Variants in MARCKS observed in about 807,000 individuals in gnomAD.
The protein encoded by MARCKS is myristoylated alanine rich protein kinase C substrate, also known as myristoylated alanine-rich C-kinase substrate.
Under a neutral mutation model 6.3 loss-of-function variants are expected in MARCKS, and 4 were observed. That is an observed-to-expected ratio of 0.63 (90% confidence interval 0.31 to 1.45). The LOEUF (loss-of-function observed/expected upper bound fraction) is 1.45, where lower values mean the gene tolerates loss of function less well. Among genes scored for constraint, MARCKS ranks in the 40% most tolerant of loss-of-function variants. MARCKS has a pLI of 0.07. For synonymous variants in MARCKS, 289 were observed against 236.5 expected (o/e 1.22, Z -2.04); for missense variants, 636 against 485.7 (o/e 1.31, Z -2.91).
rs1774904685 is a variant in MARCKS, at chr6:113,861,815, G to GT, written c.*1243dup. 6.6e-6 allele frequency: 1 copy of GT among 152,504 alleles called. No individual in the cohort carries two copies. Among genetic ancestry groups the GT allele is most frequent in the South Asian group, 2.1e-4 (1 of 4,836 alleles). 9.4% of individuals were successfully genotyped at this position (152,504 alleles called of 1,614,324 possible). On this transcript the variant is annotated 3_prime_UTR_variant, in exon 2 of 2. Transcript: ENST00000612661. Reference sequence around the variant, plus strand: ...TGAATAAAATGTACAAATTTGTTGTGTTTTTTTATGTTCTAATAATACTGA... The same window carrying GT: ...TGAATAAAATGTACAAATTTGTTGTGTTTTTTTTATGTTCTAATAATACTGA...
At chr6:113,859,373 G>A (rs1020013197) in intron 1 of MARCKS, among the ~76,000 whole-genome samples, 2 of 152,222 alleles carry the variant, frequency 1.3e-5, no homozygotes, top group African/African-American at 4.8e-5. Flanking sequence ...GGCTGGCATG[G>A]TTAGCCTTTG....
rs1774869115 is a variant in MARCKS at position 113,860,217 on chromosome 6, G to A, written c.637G>A (p.Glu213Lys). The change falls in exon 2 of 2, where the codon GAG becomes AAG. Residue 213 changes from glutamate to lysine, a missense_variant. Transcript: ENST00000612661. ...AAAEAGAASG[E>K]QAAAPGEEAA... ...CGCCGAGGCGGGCGCGGCCTCCGGG[G>A]AGCAGGCAGCGGCGCCGGGCGAGGA... The A allele has an allele frequency of 3.6e-6, 4 of 1,096,962 alleles. No individual in the cohort carries two copies. The African/African-American group carries it at 5.1e-5, about 14-fold the overall frequency. The allele number at this position is 1,096,962 out of a possible 1,614,324, so 68.0% of individuals were successfully genotyped here.
At position 113,859,874 on chromosome 6, in the gene MARCKS, C is replaced by T. The variant is rs1774857246; in HGVS notation, c.294C>T (p.Ala98=). 1 of 1,376,212 alleles carries T rather than the reference C, an allele frequency of 7.3e-7. No individual in the cohort carries two copies. The allele number at this position is 1,376,212 out of a possible 1,614,324, so 85.3% of individuals were successfully genotyped here. Residue 98 remains alanine (A), a synonymous_variant, in exon 2 of 2, where the codon GCC becomes GCT. Transcript: ENST00000612661. Reference sequence around the variant, plus strand: ...CGGCCGCCGCCGCTGCCCCCGAGGCCGGGGCCAGCCCGGTAGAGAAGGAGG... The same window carrying T: ...CGGCCGCCGCCGCTGCCCCCGAGGCTGGGGCCAGCCCGGTAGAGAAGGAGG... ...GEPAAAAAPE[A]GASPVEKEAP... is the part of the protein sequence containing the mutation.
In MARCKS at chr6:113,857,838, G is replaced by C. The variant is rs891138199; in HGVS notation, c.93G>C (p.Ala31=). ...EAAVASSPSK[A]NGQENGHVKV... is the part of the protein sequence containing the mutation. Reference sequence around the variant, plus strand: ...CTGTGGCCTCGTCGCCTTCCAAAGCGAACGGACAGGTAAATTCTACCTGTG... The same window carrying C: ...CTGTGGCCTCGTCGCCTTCCAAAGCCAACGGACAGGTAAATTCTACCTGTG... Residue 31 remains alanine (A), a synonymous_variant, in exon 1 of 2, where the codon GCG becomes GCC. Coordinates refer to ENST00000612661, the MANE Select transcript of MARCKS (RefSeq NM_002356.7). 1.9e-5 allele frequency: 30 copies of C among 1,599,390 alleles called. No individual in the cohort carries two copies. Among genetic ancestry groups the C allele is most frequent in the Non-Finnish European group, 2.6e-5 (30 of 1,173,272 alleles).
rs775883251 is a variant in MARCKS at position 113,857,734 on chromosome 6, G to GA, written c.-10dup. The GA allele has an allele frequency of 7.1e-5, 113 of 1,593,758 alleles. 1 individual carries two copies. The African/African-American group carries it at 1.4e-3, about 20-fold the overall frequency. Reference sequence around the variant, plus strand: ...CTTGGATCTGTTGAGTTTCTTTGTTGAAGAAGCCAGCATGGGTGCCCAGTT... The same window carrying GA: ...CTTGGATCTGTTGAGTTTCTTTGTTGAAAGAAGCCAGCATGGGTGCCCAGTT... On this transcript the variant is annotated 5_prime_UTR_variant, in exon 1 of 2. Transcript: ENST00000612661.
Position 113,860,946 on chromosome 6 carries a change from C to T in MARCKS, c.*367C>T, listed in dbSNP as rs1582441212. The T allele has an allele frequency of 6.5e-6, 1 of 152,998 alleles. No individual in the cohort carries two copies. Among genetic ancestry groups the T allele is most frequent in the South Asian group, 2.0e-4 (1 of 4,908 alleles). 9.5% of individuals were successfully genotyped at this position (152,998 alleles called of 1,614,324 possible). ...TTTCTTTGTCAATCTATGGACATGC[C>T]CATATATGAAGGAGATGGGTGGGTC... On this transcript the variant is annotated 3_prime_UTR_variant, in exon 2 of 2. Coordinates refer to ENST00000612661, the MANE Select transcript of MARCKS (RefSeq NM_002356.7).
In MARCKS at chr6:113,862,257, T is replaced by G. The variant is rs1774911217; in HGVS notation, c.*1678T>G. 6.6e-6 allele frequency: 1 copy of G among 152,052 alleles called. No individual in the cohort carries two copies. Among genetic ancestry groups the G allele is most frequent in the African/African-American group, 2.4e-5 (1 of 41,426 alleles). 9.4% of individuals were successfully genotyped at this position (152,052 alleles called of 1,614,324 possible). On this transcript the variant is annotated 3_prime_UTR_variant, in exon 2 of 2. Transcript: ENST00000612661. ...ATGTGACCAAATGTGTTTCAAAAAT[T>G]GATGGTGTATTACCTGCTATTGTAA...
intron 1 of MARCKS, 100 bp from the exon 2 acceptor site, chr6:113,859,583 G>A: frequency 9.2e-7 from 1 of 1,082,626 alleles, no homozygotes; most frequent in Non-Finnish European, 1.2e-6. Flanking sequence ...TGGCCACAGG[G>A]GCCTTAGGGG....
In MARCKS at chr6:113,861,387, A is replaced by G. The variant is rs1161327383; in HGVS notation, c.*808A>G. 6.6e-6 allele frequency: 1 copy of G among 152,640 alleles called. No individual in the cohort carries two copies. Among genetic ancestry groups the G allele is most frequent in the Non-Finnish European group, 1.5e-5 (1 of 68,016 alleles). The allele number at this position is 152,640 out of a possible 1,614,324, so 9.5% of individuals were successfully genotyped here. ...CAGCAGGGTGTTTTTAACTGTGACTATTGTATAAAAACAAATCTTGATATC... is the reference window on the plus strand; with the variant it reads ...CAGCAGGGTGTTTTTAACTGTGACTGTTGTATAAAAACAAATCTTGATATC... On this transcript the variant is annotated 3_prime_UTR_variant, in exon 2 of 2. Transcript: ENST00000612661.
Position 113,859,948 on chromosome 6 carries a change from A to C in MARCKS, c.368A>C (p.Glu123Ala), listed in dbSNP as rs777809788. The C allele has an allele frequency of 2.0e-6, 3 of 1,498,068 alleles. No individual in the cohort carries two copies. The highest frequency in any genetic ancestry group is 2.7e-6 in the Non-Finnish European group (3 of 1,129,586). The allele number at this position is 1,498,068 out of a possible 1,614,324, so 92.8% of individuals were successfully genotyped here. ...GAGCCCGGCTCGCCCACGGCCGCGG[A>C]GGGAGAGGCCGCGTCGGCCGCCTCC... ...AAEPGSPTAA[E>A]GEAASAASST... The change falls in exon 2 of 2, where the codon GAG becomes GCG. Residue 123 changes from glutamate to alanine, a missense_variant. Physicochemically the swap from Glu to Ala is moderately radical, Grantham distance 107. Coordinates refer to ENST00000612661, the MANE Select transcript of MARCKS (RefSeq NM_002356.7).
chr6:113,859,651 T>G (rs1299458142), intron 1 of MARCKS, 32 bp from the exon 2 acceptor site: 1 of 1,456,916 alleles, frequency 6.9e-7, no homozygotes, highest in Non-Finnish European at 9.1e-7. Context: ...CCCGGCCGCT[T>G]CAGTGACGCT....
chr6:113,860,411 C>G lies in MARCKS; in HGVS notation c.831C>G (p.Ala277=), dbSNP rs1774877263. The part of the protein sequence containing the change: ...KKAEEAGASA[A]ACEAPSAAGP... ...CCGAGGAGGCCGGGGCCAGCGCCGC[C>G]GCCTGCGAGGCCCCCTCCGCCGCCG... Residue 277 remains alanine (A), a synonymous_variant, in exon 2 of 2, where the codon GCC becomes GCG. Transcript: ENST00000612661. The G allele has an allele frequency of 1.7e-6, 2 of 1,158,196 alleles. No individual in the cohort carries two copies. The highest frequency in any genetic ancestry group is 2.2e-6 in the Non-Finnish European group (2 of 927,848). 71.7% of individuals were successfully genotyped at this position (1,158,196 alleles called of 1,614,324 possible). A position where few individuals can be genotyped will look rare whatever the true frequency, so the allele number is the denominator to read the frequency against.
In MARCKS at chr6:113,857,852, A is replaced by T; in HGVS notation, c.102+5A>T. 6.3e-7 allele frequency: 1 copy of T among 1,589,882 alleles called. No homozygotes were observed. Among genetic ancestry groups the T allele is most frequent in the African/African-American group, 1.3e-5 (1 of 74,408 alleles). On this transcript the variant is annotated splice_donor_5th_base_variant and intron_variant, in intron 1 of 1. Coordinates refer to ENST00000612661, the MANE Select transcript of MARCKS (RefSeq NM_002356.7). ...CCTTCCAAAGCGAACGGACAGGTAA[A>T]TTCTACCTGTGGTTGTGGTCATTTA...
At position 113,859,827 on chromosome 6, in the gene MARCKS, T is replaced by C. The variant is rs2114521215; in HGVS notation, c.247T>C (p.Ser83Pro). The change falls in exon 2 of 2, where the codon TCC becomes CCC. Residue 83 changes from serine (S) to proline (P), a missense_variant. Coordinates refer to ENST00000612661, the MANE Select transcript of MARCKS (RefSeq NM_002356.7). ...CGCCGGGAGCGGGGCGGCGTCGCCC[T>C]CCGCGGCCGAGAAAGGTGAGCCGGC... is the stretch of plus-strand genomic sequence containing the variant. ...AAAGSGAASP[S>P]AAEKGEPAAA... 2 of 1,290,064 alleles carry C rather than the reference T, an allele frequency of 1.6e-6. No individual in the cohort carries two copies. Among genetic ancestry groups the C allele is most frequent in the Non-Finnish European group, 2.0e-6 (2 of 1,021,300 alleles). The allele number at this position is 1,290,064 out of a possible 1,614,324, so 79.9% of individuals were successfully genotyped here. A position where few individuals can be genotyped will look rare whatever the true frequency, so the allele number is the denominator to read the frequency against.
At chr6:113,859,536 C>T in intron 1 of MARCKS, 147 bp from the exon 2 acceptor site, 1 of 623,758 alleles carries the variant, frequency 1.6e-6, no homozygotes, top group Non-Finnish European at 2.4e-6. Context: ...CATCCACCCG[C>T]GCCTCCCTCC....
rs1287025033 is a variant in MARCKS at position 113,859,782 on chromosome 6, G to A, written c.202G>A (p.Asp68Asn). 7.0e-7 allele frequency: 1 copy of A among 1,432,994 alleles called. No individual in the cohort carries two copies. Among genetic ancestry groups the A allele is most frequent in the Admixed American group, 3.1e-5 (1 of 32,038 alleles). The allele number at this position is 1,432,994 out of a possible 1,614,324, so 88.8% of individuals were successfully genotyped here. ...LQANGSAPAADKEEPAAAGSG... is the reference protein window; with the variant it reads ...LQANGSAPAANKEEPAAAGSG... ...GGCCAACGGCAGCGCCCCGGCCGCC[G>A]ACAAGGAGGAGCCCGCGGCCGCCGG... Residue 68 changes from aspartate (D) to asparagine (N), a missense_variant, in exon 2 of 2, where the codon GAC (aspartate) becomes AAC (asparagine). Coordinates refer to ENST00000612661, the MANE Select transcript of MARCKS (RefSeq NM_002356.7).
rs1769939408 is a variant in MARCKS, at chr6:113,857,602, C to T, written c.-144C>T. ...GGTTCTGTTCTGTCCTCTCCACCACCCCCACCCCCCTCCCTCCGGTGTGTG... is the reference window on the plus strand; with the variant it reads ...GGTTCTGTTCTGTCCTCTCCACCACTCCCACCCCCCTCCCTCCGGTGTGTG... On this transcript the variant is annotated 5_prime_UTR_variant, in exon 1 of 2. Transcript: ENST00000612661. 1.6e-5 allele frequency: 6 copies of T among 375,034 alleles called. No individual in the cohort carries two copies. The Admixed American group carries it at 2.4e-4, about 15-fold the overall frequency. 23.2% of individuals were successfully genotyped at this position (375,034 alleles called of 1,614,324 possible). A position where few individuals can be genotyped will look rare whatever the true frequency, so the allele number is the denominator to read the frequency against.
At chr6:113,858,266 C>CGG (rs3837006) in intron 1 of MARCKS, among the ~76,000 whole-genome samples, 2,464 of 111,482 alleles carry the variant, frequency 0.022, 79 homozygotes, top group African/African-American at 0.073. Flanking sequence ...TTGTGTGTGG[C>CGG]GGGGGGGGGA....
In MARCKS at chr6:113,861,238, A is replaced by G. The variant is rs541240412; in HGVS notation, c.*659A>G. The G allele has an allele frequency of 5.2e-5, 8 of 152,608 alleles. No individual in the cohort carries two copies. Among genetic ancestry groups the G allele is most frequent in the Admixed American group, 5.2e-4 (8 of 15,292 alleles). The allele number at this position is 152,608 out of a possible 1,614,324, so 9.5% of individuals were successfully genotyped here. On this transcript the variant is annotated 3_prime_UTR_variant, in exon 2 of 2. Transcript: ENST00000612661. ...ATAGTCTTAGGAGTTCATTTAAACC[A>G]TAGGAACTTTTCACTTATCTCATGT... is the stretch of plus-strand genomic sequence containing the variant.
Sources: gnomAD v4.1 joint callset for allele counts (sites outside exome capture counted in the v4.1 genomes callset) on GRCh38, gnomAD v4.1.1 for gene constraint, MANE v1.5 for transcripts, NCBI Gene and HGNC (gene_info 2026-07-23, HGNC 2026-07-21) for gene names.